Variants in ERC2 observed in about 807,000 individuals in gnomAD.
ERC2 encodes the protein ELKS/RAB6-interacting/CAST family member 2.
ERC2 carries 42 observed loss-of-function variants against 114.8 expected under a neutral mutation model. The ratio of observed to expected loss-of-function variants is 0.37; its 90% confidence interval spans 0.29 to 0.47. The LOEUF is 0.47. Among genes scored for constraint, ERC2 ranks in the 20% least tolerant of loss-of-function variants. The probability of loss-of-function intolerance (pLI) is 0.99; values close to 1 mark genes in which losing one functional copy is unlikely to be tolerated. For missense variants in ERC2, 939 were observed against 1,150.7 expected, an observed-to-expected ratio of 0.82 and a Z score of 2.66; for synonymous variants, 454 against 425.5, an observed-to-expected ratio of 1.07 and a Z score of -0.82.
At chr3:56,100,583 T>C (rs1487705216) in intron 6 of ERC2, among the ~76,000 whole-genome samples, 1 of 152,252 alleles carries the variant, frequency 6.6e-6, no homozygotes, top group East Asian at 1.9e-4. Context: ...TGTTAACAAT[T>C]CTAAGTATTG....
At position 55,888,428 on chromosome 3, in the gene ERC2, A is replaced by T; in HGVS notation, c.2525T>A (p.Ile842Asn). 6.2e-7 allele frequency: 1 copy of T among 1,613,786 alleles called. No homozygotes were observed. Among genetic ancestry groups the T allele is most frequent in the South Asian group, 1.1e-5 (1 of 91,064 alleles). Residue 842 changes from isoleucine to asparagine, a missense_variant, in exon 14 of 18, where the codon ATT becomes AAT. Coordinates refer to ENST00000288221, the MANE Select transcript of ERC2 (RefSeq NM_015576.3). ...CTCCTCCAGCTGTTTCCTCCTCTCA[A>T]TCCGGAGGTTGGCCAAGTGCGCTTC... Reference protein sequence around the residue: ...EKEAHLANLRIERRKQLEEIL... With the variant: ...EKEAHLANLRNERRKQLEEIL...
intron 2 of ERC2, among the ~76,000 whole-genome samples, chr3:56,323,188 T>C (rs2057204624): frequency 6.6e-6 from 1 of 152,220 alleles, no homozygotes; most frequent in African/African-American, 2.4e-5. Flanking sequence ...TCAGGTATTC[T>C]GTTACACAAA....
chr3:55,533,079 C>T lies in ERC2; in HGVS notation c.*40-21803G>A, dbSNP rs1317347092. Among the ~76,000 whole-genome samples, 5 of 152,378 alleles carry T rather than the reference C, an allele frequency of 3.3e-5. No individual in the cohort carries two copies. The East Asian group carries it at 9.6e-4, about 29-fold the overall frequency. ...CTAACCTGCAAAGACAGGGTCAACA[C>T]TGGAAGGACCACAGGGTAAGGCCTC... On this transcript the variant is annotated intron_variant, in intron 17 of 17. Coordinates refer to ENST00000288221, the MANE Select transcript of ERC2 (RefSeq NM_015576.3).
intron 17 of ERC2, among the ~76,000 whole-genome samples, chr3:55,645,632 A>G (rs1206858149): frequency 6.6e-6 from 1 of 152,156 alleles, no homozygotes; most frequent in East Asian, 1.9e-4. Context: ...TGATGCTGGA[A>G]ACATCTGGAT....
intron 6 of ERC2, among the ~76,000 whole-genome samples, chr3:56,109,219 C>A (rs1287203806): frequency 1.3e-5 from 2 of 152,064 alleles, no homozygotes; most frequent in Non-Finnish European, 2.9e-5. Context: ...CTGCGGTTCC[C>A]CTCTTTGTGT....
chr3:56,230,846 G>A (rs991419785), intron 3 of ERC2, among the ~76,000 whole-genome samples: 9 of 152,154 alleles, frequency 5.9e-5, no homozygotes, highest in Non-Finnish European at 1.2e-4. Context: ...ACTTCTCTCA[G>A]TATCTCCAGG....
intron 15 of ERC2, among the ~76,000 whole-genome samples, chr3:55,728,350 A>G (rs1371705075): frequency 6.6e-6 from 1 of 152,236 alleles, no homozygotes; most frequent in Non-Finnish European, 1.5e-5. Flanking sequence ...AATGGATAAT[A>G]CATGTGCTCA....
chr3:55,633,782 A>T (rs2059849341), intron 17 of ERC2, among the ~76,000 whole-genome samples: 1 of 152,194 alleles, frequency 6.6e-6, no homozygotes, highest in Admixed American at 6.5e-5. Flanking sequence ...TTCATATTTC[A>T]TTCAAAGCAA....
intron 7 of ERC2, among the ~76,000 whole-genome samples, chr3:56,044,444 A>T (rs1194641197): frequency 6.6e-6 from 1 of 152,108 alleles, no homozygotes; most frequent in Non-Finnish European, 1.5e-5. Context: ...TATGAGCTGA[A>T]CATTTGAAAC....
chr3:55,739,865 T>C (rs747699596), intron 14 of ERC2, among the ~76,000 whole-genome samples: 1 of 152,210 alleles, frequency 6.6e-6, no homozygotes, highest in African/African-American at 2.4e-5. Context: ...GCCTAGGTTT[T>C]CTTCTAGAGT....
intron 1 of ERC2, among the ~76,000 whole-genome samples, chr3:56,446,301 T>C (rs977088553): frequency 3.3e-5 from 5 of 152,146 alleles, no homozygotes; most frequent in Admixed American, 6.5e-5. Flanking sequence ...AGGCTGGTGA[T>C]TGGGACTCAG....
At chr3:55,589,143 C>T (rs1795649) in intron 17 of ERC2, among the ~76,000 whole-genome samples, 34,999 of 148,800 alleles carry the variant, frequency 0.24, 4,622 homozygotes, top group East Asian at 0.64. Context: ...CTTTGGGAGG[C>T]CAAGGCAGGA....
intron 2 of ERC2, among the ~76,000 whole-genome samples, chr3:56,427,630 T>C (rs2061622322): frequency 6.6e-6 from 1 of 152,108 alleles, no homozygotes; most frequent in South Asian, 2.1e-4. Flanking sequence ...TTGGTGTCCT[T>C]ATGAAAAGGA....
intron 14 of ERC2, among the ~76,000 whole-genome samples, chr3:55,850,165 ATCT>A (rs1360791391): frequency 6.6e-6 from 1 of 152,184 alleles, no homozygotes; most frequent in Non-Finnish European, 1.5e-5. Flanking sequence ...GTCTCTGTGT[ATCT>A]TCTTCTTTTC....
At chr3:55,512,363 G>T (rs1357849203) in intron 17 of ERC2, among the ~76,000 whole-genome samples, 2 of 152,328 alleles carry the variant, frequency 1.3e-5, no homozygotes, top group Non-Finnish European at 1.5e-5. Context: ...GAGCCAGAAA[G>T]TTAGGGAGTT....
chr3:55,993,401 G>A (rs2149527944), intron 10 of ERC2, among the ~76,000 whole-genome samples: 1 of 152,106 alleles, frequency 6.6e-6, no homozygotes, highest in African/African-American at 2.4e-5. Context: ...AACAAGGCAA[G>A]CAAGCTACAG....
At chr3:55,684,515 A>T (rs2062228208) in intron 16 of ERC2, among the ~76,000 whole-genome samples, 1 of 152,232 alleles carries the variant, frequency 6.6e-6, no homozygotes, top group Non-Finnish European at 1.5e-5. Flanking sequence ...GAATGATTAT[A>T]CATTTGCAAT....
intron 2 of ERC2, among the ~76,000 whole-genome samples, chr3:56,364,389 T>C (rs1454801756): frequency 6.6e-6 from 1 of 152,192 alleles, no homozygotes; most frequent in African/African-American, 2.4e-5. Context: ...GGTTAAAAAT[T>C]TTATGTCAAA....
intron 12 of ERC2, among the ~76,000 whole-genome samples, chr3:55,976,552 G>A (rs1336121652): frequency 2.0e-5 from 3 of 152,068 alleles, no homozygotes; most frequent in Non-Finnish European, 4.4e-5. Flanking sequence ...GCACTGGTTG[G>A]ATAAGACAGG....
Sources: gnomAD v4.1 joint callset for allele counts (sites outside exome capture counted in the v4.1 genomes callset) on GRCh38, gnomAD v4.1.1 for gene constraint, MANE v1.5 for transcripts, NCBI Gene and HGNC (gene_info 2026-07-23, HGNC 2026-07-21) for gene names.